Variants in MFRP observed in about 807,000 individuals in gnomAD.
MFRP encodes C1q and TNF related 5.
In MFRP, 74 loss-of-function variants were observed where a neutral mutation model predicts 65.8. That is an observed-to-expected ratio of 1.12 (90% confidence interval 0.93 to 1.36). The LOEUF (loss-of-function observed/expected upper bound fraction) is 1.36. Among genes scored for constraint, MFRP ranks in the 40% most tolerant of loss-of-function variants. The pLI, the probability that MFRP is intolerant of heterozygous loss-of-function variation, is 0.00. For synonymous variants in MFRP, 336 were observed against 288.3 expected (o/e 1.17, Z -1.68); for missense variants, 838 against 736.0 (o/e 1.14, Z -1.60).
In MFRP at chr11:119,345,813, T is replaced by C. The variant is rs898018467; in HGVS notation, c.387A>G (p.Lys129=). Residue 129 remains lysine, a synonymous_variant, in exon 4 of 15, where the codon AAA becomes AAG. Transcript: ENST00000619721. ...GGCTCACGCCTGACTCCTGCTGCCC[T>C]TTAGGGGTCCCAGCTGCCTGAGAGG... ...ITTSQAAGTP[K]GQQESGVSPS... 1.2e-6 allele frequency: 2 copies of C among 1,613,768 alleles called. No individual in the cohort carries two copies. Among genetic ancestry groups the C allele is most frequent in the Non-Finnish European group, 1.7e-6 (2 of 1,179,968 alleles).
At position 119,344,941 on chromosome 11, in the gene MFRP, G is replaced by A. The variant is rs34190279; in HGVS notation, c.705C>T (p.Phe235=). ...NTNASHLLVV[F]VSDSSVEGFG... ...ATCCTTCCACACTGCTGTCAGAGAC[G>A]AAGACCACCAGGAGGTGGCTGGCAT... The change falls in exon 6 of 15, where the codon TTC becomes TTT. Residue 235 remains phenylalanine (F), a synonymous_variant. Coordinates refer to ENST00000619721, the MANE Select transcript of MFRP (RefSeq NM_031433.4). 238 of 1,610,698 alleles carry A rather than the reference G, an allele frequency of 1.5e-4. 2 individuals are homozygous for A. Among genetic ancestry groups the A allele is most frequent in the Non-Finnish European group, 1.8e-4 (208 of 1,179,000 alleles).
At position 119,341,986 on chromosome 11, in the gene MFRP, T is replaced by C; in HGVS notation, c.1388-2A>G. On this transcript the variant is annotated splice_acceptor_variant, in intron 11 of 14. Transcript: ENST00000619721. LOFTEE classifies it high-confidence loss of function. The stretch of plus-strand genomic sequence containing the variant: ...CCTGGACAGGCTCACAGGCCAGCTC[T>C]GCAGGGGTGGAGGGGAGGGCCACTG... 6.2e-7 allele frequency: 1 copy of C among 1,613,486 alleles called. No individual in the cohort carries two copies. The highest frequency in any genetic ancestry group is 8.5e-7 in the Non-Finnish European group (1 of 1,179,986).
chr11:119,342,091 G>T, intron 11 of MFRP, 107 bp from the exon 12 acceptor site: 1 of 1,379,488 alleles, frequency 7.2e-7, no homozygotes, highest in Non-Finnish European at 1.0e-6. Flanking sequence ...TCCAATGGGG[G>T]TGGTTGTGAG....
chr11:119,346,166 G>T lies in MFRP; in HGVS notation c.158-7C>A. The T allele has an allele frequency of 6.3e-7, 1 of 1,582,890 alleles. No individual in the cohort carries two copies. Among genetic ancestry groups the T allele is most frequent in the Non-Finnish European group, 8.6e-7 (1 of 1,163,912 alleles). ...AGCCCTCGAGGACGCCGACCTGCGG[G>T]TTGGCAGGTGGGGTTTTGAAAGCCC... On this transcript the variant is annotated splice_polypyrimidine_tract_variant and splice_region_variant and intron_variant, in intron 2 of 14. Transcript: ENST00000619721.
At position 119,344,816 on chromosome 11, in the gene MFRP, G is replaced by T; in HGVS notation, c.772+58C>A. On this transcript the variant is annotated intron_variant, in intron 6 of 14. Transcript: ENST00000619721. ...GAGTCTCCACCCCTTTGACAGGACT[G>T]GGAGTGGGTGGAGGGGAAGAAAGTG... The T allele has an allele frequency of 2.5e-6, 4 of 1,613,706 alleles. 1 individual carries two copies. The South Asian group carries it at 4.4e-5, about 18-fold the overall frequency.
rs1006048278 is a variant in MFRP, at chr11:119,346,579, G to A, written c.-66C>T. The A allele has an allele frequency of 5.2e-6, 8 of 1,529,622 alleles. No individual in the cohort carries two copies. The highest frequency in any genetic ancestry group is 2.7e-5 in the African/African-American group (2 of 73,172). 94.8% of individuals were successfully genotyped at this position (1,529,622 alleles called of 1,614,324 possible). A position where few individuals can be genotyped will look rare whatever the true frequency, so the allele number is the denominator to read the frequency against. On this transcript the variant is annotated 5_prime_UTR_variant, in exon 1 of 15. Transcript: ENST00000619721. ...GCCCAAGACCCCCAAGGGCCCACTCGCTGACCACAAACTCCCTGTCAGAGG... is the reference window on the plus strand; with the variant it reads ...GCCCAAGACCCCCAAGGGCCCACTCACTGACCACAAACTCCCTGTCAGAGG...
Position 119,341,702 on chromosome 11 carries a change from G to T in MFRP, c.1586C>A (p.Thr529Asn). Residue 529 changes from threonine to asparagine, a missense_variant, in exon 13 of 15, where the codon ACC becomes AAC. Transcript: ENST00000619721. ...LLCGLLVPRC[T>N]PLGSVLPPCR... is the part of the protein sequence containing the mutation. ...AGGGGGCAGAACACTGCCTAGTGGG[G>T]TGCAACGGGGCACAAGCAGCCCACA... is the stretch of plus-strand genomic sequence containing the variant. 1 of 1,613,168 alleles carries T rather than the reference G, an allele frequency of 6.2e-7. No individual in the cohort carries two copies. The highest frequency in any genetic ancestry group is 8.5e-7 in the Non-Finnish European group (1 of 1,180,028).
At position 119,339,976 on chromosome 11, in the gene MFRP, G is replaced by A; in HGVS notation, c.*1111-128C>T. 7.5e-7 allele frequency: 1 copy of A among 1,329,116 alleles called. No homozygotes were observed. Among genetic ancestry groups the A allele is most frequent in the Non-Finnish European group, 9.8e-7 (1 of 1,015,708 alleles). 82.3% of individuals were successfully genotyped at this position (1,329,116 alleles called of 1,614,324 possible). On this transcript the variant is annotated intron_variant, in intron 14 of 14. Coordinates refer to ENST00000619721, the MANE Select transcript of MFRP (RefSeq NM_031433.4). This position sits in a 1 kb window ranked among gnomAD's most constrained non-coding sequence, Gnocchi z 5.4. ...TTCGGCCAGCGCCTCCTCCCGCACG[G>A]GTACCTCCTCCACCCCTTCCCGCAG...
chr11:119,341,320 A>G lies in MFRP; in HGVS notation c.*228T>C. On this transcript the variant is annotated 3_prime_UTR_variant, in exon 13 of 15. Transcript: ENST00000619721. The stretch of plus-strand genomic sequence containing the variant: ...GAAGTGGTCTCGATTGTCCGGTGGC[A>G]CAGTGTGGGGCCAGTCAGCAGCCTG... The G allele has an allele frequency of 1.7e-6, 1 of 579,784 alleles. No individual in the cohort carries two copies. Among genetic ancestry groups the G allele is most frequent in the Non-Finnish European group, 3.1e-6 (1 of 325,540 alleles). The allele number at this position is 579,784 out of a possible 1,614,324, so 35.9% of individuals were successfully genotyped here. A position where few individuals can be genotyped will look rare whatever the true frequency, so the allele number is the denominator to read the frequency against.
intron 8 of MFRP, 40 bp from the exon 9 acceptor site, chr11:119,344,004 T>C (rs1950531305): frequency 6.2e-7 from 1 of 1,607,978 alleles, no homozygotes; most frequent in Non-Finnish European, 8.5e-7. Flanking sequence ...TGGCCCCTTC[T>C]CCTGTCTCAT....
Position 119,345,774 on chromosome 11 carries a change from G to A in MFRP, c.426C>T (p.Ser142=), listed in dbSNP as rs750187030. The change falls in exon 4 of 15, where the codon TCC becomes TCT. Residue 142 remains serine, a splice_region_variant and synonymous_variant. Transcript: ENST00000619721. ...QESGVSPSPQ[S]TCGGLLSGPR... ...GGAAGATCTGCCCCCAGTACTCACT[G>A]GACTGTGGGGAGGGGCTCACGCCTG... 1 of 1,613,600 alleles carries A rather than the reference G, an allele frequency of 6.2e-7. No homozygotes were observed. The highest frequency in any genetic ancestry group is 8.5e-7 in the Non-Finnish European group (1 of 1,180,018).
chr11:119,341,115 C>T lies in MFRP; in HGVS notation c.*433G>A. On this transcript the variant is annotated 3_prime_UTR_variant, in exon 13 of 15. Transcript: ENST00000619721. ...AGACCCCATTTCAGGGAGAAATACG[C>T]AGAGAGATGAGGGTGGAGAGTTCTA... The T allele has an allele frequency of 4.7e-6, 1 of 214,206 alleles. No homozygotes were observed. The highest frequency in any genetic ancestry group is 9.5e-6 in the Non-Finnish European group (1 of 105,536). 13.3% of individuals were successfully genotyped at this position (214,206 alleles called of 1,614,324 possible). A position where few individuals can be genotyped will look rare whatever the true frequency, so the allele number is the denominator to read the frequency against.
At chr11:119,343,586 A>G (rs1358011115) in intron 9 of MFRP, among the ~76,000 whole-genome samples, 2 of 152,064 alleles carry the variant, frequency 1.3e-5, no homozygotes, top group Non-Finnish European at 2.9e-5. Context: ...GCCGGTGGGG[A>G]GGAACTGGGG....
At chr11:119,345,073 G>A (rs1950546759) in intron 5 of MFRP, 69 bp from the exon 6 acceptor site, 6 of 1,555,180 alleles carry the variant, frequency 3.9e-6, no homozygotes, top group Non-Finnish European at 5.2e-6. Context: ...AGCTTGCCTG[G>A]GCCTTGCAGT....
intron 11 of MFRP, 122 bp downstream of exon 11, chr11:119,342,474 G>A (rs1950511805): frequency 2.3e-6 from 3 of 1,309,860 alleles, no homozygotes; most frequent in Middle Eastern, 2.5e-4. Flanking sequence ...GAGTCAGGAT[G>A]GTGAGGCCAG....
chr11:119,339,934 C>T lies in MFRP; in HGVS notation c.*1111-86G>A, dbSNP rs1591299852. The stretch of plus-strand genomic sequence containing the variant: ...CGACTCTAAGGTCACCGTACCCCTC[C>T]CCGCCCCTGCCTGAGCTTCGGCCAG... On this transcript the variant is annotated intron_variant, in intron 14 of 14. Transcript: ENST00000619721. This position sits in a 1 kb window ranked among gnomAD's most constrained non-coding sequence, Gnocchi z 5.4. The T allele has an allele frequency of 7.1e-7, 1 of 1,398,982 alleles. No homozygotes were observed. Among genetic ancestry groups the T allele is most frequent in the Non-Finnish European group, 9.3e-7 (1 of 1,077,470 alleles). 86.7% of individuals were successfully genotyped at this position (1,398,982 alleles called of 1,614,324 possible).
At chr11:119,345,055 C>G (rs775412480) in intron 5 of MFRP, 51 bp from the exon 6 acceptor site, 4 of 1,579,410 alleles carry the variant, frequency 2.5e-6, no homozygotes, top group Non-Finnish European at 8.6e-7. Context: ...CAGGGTCAGC[C>G]AGAGAGGAGC....
At chr11:119,345,104 A>G in intron 5 of MFRP, 100 bp from the exon 6 acceptor site, 1 of 1,471,436 alleles carries the variant, frequency 6.8e-7, no homozygotes, top group African/African-American at 1.4e-5. Flanking sequence ...CAACCCCCAA[A>G]CTGGTGACCA....
At position 119,345,499 on chromosome 11, in the gene MFRP, C is replaced by G. The variant is rs1266958059; in HGVS notation, c.562G>C (p.Ala188Pro). The G allele has an allele frequency of 6.2e-7, 1 of 1,614,134 alleles. No homozygotes were observed. The highest frequency in any genetic ancestry group is 1.1e-5 in the South Asian group (1 of 91,086). ...TDHAIQLKIE[A>P]LSIESVASCL... ...GAGGCCACACTCTCTATGCTGAGGG[C>G]TTCGATCTTGAGCTGTATTGCATGG... The change falls in exon 5 of 15, where the codon GCC (alanine) becomes CCC (proline). Residue 188 changes from alanine (A) to proline (P), a missense_variant. Coordinates refer to ENST00000619721, the MANE Select transcript of MFRP (RefSeq NM_031433.4).
Sources: gnomAD v4.1 joint callset for allele counts (sites outside exome capture counted in the v4.1 genomes callset) on GRCh38, gnomAD v4.1.1 for gene constraint, Gnocchi (gnomAD v3.1) non-coding constraint, MANE v1.5 for transcripts, NCBI Gene and HGNC (gene_info 2026-07-23, HGNC 2026-07-21) for gene names.